Variants in SPOCK3 observed in about 807,000 individuals in gnomAD.
The protein encoded by SPOCK3 is SPARC (osteonectin), cwcv and kazal like domains proteoglycan 3.
In SPOCK3, 30 loss-of-function variants were observed where a neutral mutation model predicts 56.6. The ratio of observed to expected loss-of-function variants is 0.53; its 90% confidence interval spans 0.40 to 0.72. SPOCK3 has a LOEUF of 0.72. Ranked by LOEUF, SPOCK3 falls within the 30% of genes least tolerant of loss-of-function variation. The pLI, the probability that SPOCK3 is intolerant of heterozygous loss-of-function variation, is 0.00. For missense variants in SPOCK3, 527 were observed against 530.0 expected (o/e 0.99, Z 0.06); for synonymous variants, 196 against 183.3 (o/e 1.07, Z -0.56).
At chr4:166,825,498 A>T (rs62353203) in intron 6 of SPOCK3, among the ~76,000 whole-genome samples, 36,520 of 151,996 alleles carry the variant, frequency 0.24, 5,598 homozygotes, top group East Asian at 0.67. Context: ...AAGAACTAAA[A>T]GTAAAACTAC....
At chr4:167,150,261 G>T (rs1764303363) in intron 2 of SPOCK3, among the ~76,000 whole-genome samples, 1 of 151,946 alleles carries the variant, frequency 6.6e-6, no homozygotes, top group South Asian at 2.1e-4. Flanking sequence ...AGCATGGTTA[G>T]TCTGAAGGTC....
At chr4:167,054,275 A>G (rs2042473734) in intron 3 of SPOCK3, among the ~76,000 whole-genome samples, 1 of 152,194 alleles carries the variant, frequency 6.6e-6, no homozygotes, top group Non-Finnish European at 1.5e-5. Flanking sequence ...GACCACAAAC[A>G]AGGCAGATTT....
At chr4:166,862,846 G>A (rs1177785897) in intron 6 of SPOCK3, among the ~76,000 whole-genome samples, 1 of 151,668 alleles carries the variant, frequency 6.6e-6, no homozygotes, top group Non-Finnish European at 1.5e-5. Flanking sequence ...TACAATTTGT[G>A]GTCACAAATA....
chr4:166,958,017 C>A (rs903599698), intron 4 of SPOCK3, among the ~76,000 whole-genome samples: 1 of 152,040 alleles, frequency 6.6e-6, no homozygotes, highest in African/African-American at 2.4e-5. Flanking sequence ...AGGCCAGAGG[C>A]AGAATGATAT....
intron 7 of SPOCK3, among the ~76,000 whole-genome samples, chr4:166,768,350 G>A (rs1192312423): frequency 6.6e-6 from 1 of 152,110 alleles, no homozygotes; most frequent in Non-Finnish European, 1.5e-5. Context: ...CATGTTTAGT[G>A]CTTCCTTCAG....
intron 4 of SPOCK3, among the ~76,000 whole-genome samples, chr4:166,995,056 A>G (rs1313030921): frequency 6.6e-6 from 1 of 152,126 alleles, no homozygotes; most frequent in Non-Finnish European, 1.5e-5. Context: ...AAGACAATAA[A>G]GCATAATAAG....
chr4:166,961,838 T>G (rs1212981508), intron 4 of SPOCK3, among the ~76,000 whole-genome samples: 1 of 152,138 alleles, frequency 6.6e-6, no homozygotes, highest in Non-Finnish European at 1.5e-5. Context: ...TCTGCCTCAC[T>G]TACCAGCTGC....
intron 2 of SPOCK3, among the ~76,000 whole-genome samples, chr4:167,226,701 T>A (rs1203321306): frequency 1.3e-5 from 2 of 152,066 alleles, no homozygotes; most frequent in Non-Finnish European, 2.9e-5. Context: ...GTGTGATGAC[T>A]TTCAGGTGAA....
At chr4:166,868,385 A>C (rs902760164) in intron 6 of SPOCK3, among the ~76,000 whole-genome samples, 1 of 152,036 alleles carries the variant, frequency 6.6e-6, no homozygotes, top group African/African-American at 2.4e-5. Flanking sequence ...GCGTAGGCCC[A>C]GGAATAGAGG....
chr4:166,907,102 A>C (rs147329785), intron 5 of SPOCK3, among the ~76,000 whole-genome samples: 2 of 152,194 alleles, frequency 1.3e-5, no homozygotes, highest in East Asian at 3.9e-4. Flanking sequence ...GAGGTTATGA[A>C]AGTTAATGTA....
chr4:166,963,025 G>A (rs1017388252), intron 4 of SPOCK3, among the ~76,000 whole-genome samples: 8 of 151,950 alleles, frequency 5.3e-5, no homozygotes, highest in African/African-American at 1.9e-4. Context: ...CACACACTAT[G>A]TTCTAGGTAG....
chr4:166,879,582 AT>A (rs1180937097), intron 6 of SPOCK3, among the ~76,000 whole-genome samples: 1 of 152,238 alleles, frequency 6.6e-6, no homozygotes, highest in Non-Finnish European at 1.5e-5. Flanking sequence ...ATTACCTTGC[AT>A]ATAGTAGATG....
At chr4:167,188,332 T>C (rs1732192920) in intron 2 of SPOCK3, among the ~76,000 whole-genome samples, 1 of 145,706 alleles carries the variant, frequency 6.9e-6, no homozygotes, top group South Asian at 2.1e-4. Flanking sequence ...AGGCATTCTA[T>C]AAAAAATTAC....
intron 3 of SPOCK3, among the ~76,000 whole-genome samples, chr4:167,031,923 A>C (rs1473472913): frequency 6.6e-6 from 1 of 152,036 alleles, no homozygotes; most frequent in Non-Finnish European, 1.5e-5. Context: ...CAATGTTATT[A>C]ATTCCTTTAT....
At chr4:166,927,211 C>T (rs1331968755) in intron 4 of SPOCK3, among the ~76,000 whole-genome samples, 1 of 152,014 alleles carries the variant, frequency 6.6e-6, no homozygotes, top group Non-Finnish European at 1.5e-5. Context: ...ACTCTGTATC[C>T]CCACCCAAAT....
chr4:166,812,372 A>T (rs1266366418), intron 6 of SPOCK3, among the ~76,000 whole-genome samples: 8 of 151,966 alleles, frequency 5.3e-5, no homozygotes, highest in Non-Finnish European at 1.2e-4. Context: ...ATGAAAAGTA[A>T]AGTTAACATA....
intron 6 of SPOCK3, among the ~76,000 whole-genome samples, chr4:166,882,434 G>A (rs1317921939): frequency 6.6e-6 from 1 of 152,078 alleles, no homozygotes; most frequent in Admixed American, 6.6e-5. Flanking sequence ...TGATTTGTCG[G>A]GACCCAGTTC....
chr4:167,166,957 A>C (rs904885939), intron 2 of SPOCK3, among the ~76,000 whole-genome samples: 1 of 152,142 alleles, frequency 6.6e-6, no homozygotes, highest in African/African-American at 2.4e-5. Context: ...ATATTTTTAA[A>C]GAACCAGGAA....
intron 1 of SPOCK3, 113 bp from the exon 2 acceptor site, chr4:167,234,286 G>A (rs1737511806): frequency 4.7e-6 from 5 of 1,069,440 alleles, no homozygotes; most frequent in East Asian, 2.5e-5. Context: ...GGTAGAGGGA[G>A]GAGGAGACAA....
Sources: gnomAD v4.1 joint callset for allele counts (sites outside exome capture counted in the v4.1 genomes callset) on GRCh38, gnomAD v4.1.1 for gene constraint, MANE v1.5 for transcripts, NCBI Gene and HGNC (gene_info 2026-07-23, HGNC 2026-07-21) for gene names.